Variants in KIF13A observed in about 807,000 individuals in gnomAD.
The protein encoded by KIF13A is kinesin family member 13A, also known as kinesin-like protein KIF13A.
KIF13A carries 79 observed loss-of-function variants against 212.2 expected under a neutral mutation model. That is an observed-to-expected ratio of 0.37 (90% confidence interval 0.31 to 0.45). The LOEUF is 0.45. KIF13A is among the 20% of genes least tolerant of loss of function. KIF13A has a pLI of 1.00. For synonymous variants in KIF13A, 789 were observed against 808.6 expected (o/e 0.98, Z 0.41); for missense variants, 1,901 against 2,209.0 (o/e 0.86, Z 2.79).
intron 4 of KIF13A, among the ~76,000 whole-genome samples, chr6:17,864,077 G>A (rs780285106): frequency 6.6e-6 from 1 of 152,172 alleles, no homozygotes; most frequent in Non-Finnish European, 1.5e-5. Context: ...GCCCATAAAC[G>A]AAGGTTCGTT....
At chr6:17,788,348 C>G (rs1014597454) in intron 26 of KIF13A, among the ~76,000 whole-genome samples, 5 of 152,142 alleles carry the variant, frequency 3.3e-5, no homozygotes, top group African/African-American at 1.2e-4. Flanking sequence ...AGTAGGTCAG[C>G]AGAGAACTTT....
rs1421526143 is a variant in KIF13A at position 17,850,074 on chromosome 6, G to A, written c.717+249C>T. Among the ~76,000 whole-genome samples, 4 of 152,136 alleles carry A rather than the reference G, an allele frequency of 2.6e-5. No individual in the cohort carries two copies. The highest frequency in any genetic ancestry group is 2.1e-4 in the South Asian group (1 of 4,806). On this transcript the variant is annotated intron_variant, in intron 8 of 38. Coordinates refer to ENST00000259711, the MANE Select transcript of KIF13A (RefSeq NM_022113.6). The surrounding 1 kb of genome is among the most constrained non-coding windows in gnomAD (Gnocchi z 6.2). ...ACTTCTGCCCTCAAGCAATCCTCCC[G>A]CCTCAGACTCCCAAAATGCTGGAAT...
intron 3 of KIF13A, among the ~76,000 whole-genome samples, chr6:17,896,835 G>A (rs1772612111): frequency 6.6e-6 from 1 of 152,150 alleles, no homozygotes; most frequent in East Asian, 1.9e-4. Context: ...GTATTTCACT[G>A]GTATTTTTCT....
chr6:17,804,639 T>A, intron 19 of KIF13A, 129 bp from the exon 20 acceptor site: 1 of 955,618 alleles, frequency 1.0e-6, no homozygotes. Flanking sequence ...AGTAAAATTA[T>A]AATGTCACAT....
Position 17,919,606 on chromosome 6 carries a change from G to A in KIF13A, c.147-21426C>T, listed in dbSNP as rs969770172. 2.6e-5 allele frequency among the ~76,000 whole-genome samples: 4 copies of A among 152,148 alleles called. No homozygotes were observed. The highest frequency in any genetic ancestry group is 4.8e-5 in the African/African-American group (2 of 41,416). ...GGTCAGCCATGTCTCCACTCCTAAT[G>A]CACTCAGTGGCTGCTTTACCTACCC... On this transcript the variant is annotated intron_variant, in intron 2 of 38. Coordinates refer to ENST00000259711, the MANE Select transcript of KIF13A (RefSeq NM_022113.6). The surrounding 1 kb of genome is among the most constrained non-coding windows in gnomAD (Gnocchi z 4.1).
At chr6:17,950,725 C>CA (rs1777777019) in intron 2 of KIF13A, 1 of 982,136 alleles carries the variant, frequency 1.0e-6, no homozygotes, top group Non-Finnish European at 1.2e-6. Context: ...AAATATATGA[C>CA]AAAAAATACT....
At chr6:17,778,296 T>C (rs1290023255) in intron 33 of KIF13A, among the ~76,000 whole-genome samples, 1 of 152,208 alleles carries the variant, frequency 6.6e-6, no homozygotes, top group Non-Finnish European at 1.5e-5. Context: ...GTGATGCTGT[T>C]TGTATTTTAC....
chr6:17,980,580 A>G (rs1391768265), intron 2 of KIF13A, among the ~76,000 whole-genome samples: 2 of 152,144 alleles, frequency 1.3e-5, no homozygotes, highest in African/African-American at 2.4e-5. Context: ...AGCACCTGAT[A>G]TGTTTGAAAG....
intron 2 of KIF13A, among the ~76,000 whole-genome samples, chr6:17,943,734 A>G (rs1276643007): frequency 6.6e-6 from 1 of 152,182 alleles, no homozygotes; most frequent in Non-Finnish European, 1.5e-5. Context: ...ACTAAACTCT[A>G]TAAAGCCAAA....
In KIF13A at chr6:17,883,229, C is replaced by T. The variant is rs1428127724; in HGVS notation, c.160-9792G>A. ...AGCTGCAGGGGCATGTGCCTATAGT[C>T]CCAGATACTCAGGAGGCTGAAGCAA... On this transcript the variant is annotated intron_variant, in intron 3 of 38. Transcript: ENST00000259711. This position sits in a 1 kb window ranked among gnomAD's most constrained non-coding sequence, Gnocchi z 4.8. Among the ~76,000 whole-genome samples the T allele has an allele frequency of 6.6e-6, 1 of 152,096 alleles. No homozygotes were observed. Among genetic ancestry groups the T allele is most frequent in the East Asian group, 1.9e-4 (1 of 5,192 alleles).
rs534922453 is a variant in KIF13A, at chr6:17,869,880, C to T, written c.220+3497G>A. On this transcript the variant is annotated intron_variant, in intron 4 of 38. Coordinates refer to ENST00000259711, the MANE Select transcript of KIF13A (RefSeq NM_022113.6). ...AGAGTCCTGATCAGTATCAATGATG[C>T]CATTATTCATCGAGCCTGACAAATA... Among the ~76,000 whole-genome samples the T allele has an allele frequency of 2.0e-5, 3 of 152,292 alleles. No individual in the cohort carries two copies. The South Asian group carries it at 6.2e-4, about 32-fold the overall frequency.
intron 20 of KIF13A, among the ~76,000 whole-genome samples, chr6:17,803,753 A>T (rs1194552082): frequency 6.6e-6 from 1 of 152,194 alleles, no homozygotes; most frequent in Non-Finnish European, 1.5e-5. Flanking sequence ...AGAGAGAGCG[A>T]TATGGGGCAC....
chr6:17,762,262 G>T (rs748788119), downstream of KIF13A, among the ~76,000 whole-genome samples: 11 of 151,000 alleles, frequency 7.3e-5, no homozygotes, highest in Admixed American at 2.6e-4. Flanking sequence ...GCCCAGGCTG[G>T]AGTGCAGTGG....
At chr6:17,930,921 C>A (rs778131918) in intron 2 of KIF13A, among the ~76,000 whole-genome samples, 2 of 152,172 alleles carry the variant, frequency 1.3e-5, no homozygotes, top group African/African-American at 2.4e-5. Flanking sequence ...AAAAATTGTT[C>A]TCTGTATTCT....
chr6:17,909,681 G>A (rs941508386), intron 2 of KIF13A, among the ~76,000 whole-genome samples: 1 of 151,810 alleles, frequency 6.6e-6, no homozygotes, highest in African/African-American at 2.4e-5. Context: ...GATCACTTAT[G>A]GTCAGGAGTT....
downstream of KIF13A, among the ~76,000 whole-genome samples, chr6:17,761,751 C>T (rs979715950): frequency 2.6e-5 from 4 of 152,154 alleles, no homozygotes; most frequent in African/African-American, 4.8e-5. Context: ...GTAAATTTCA[C>T]TTTAAACCAT....
rs1198576720 is a variant in KIF13A at position 17,777,725 on chromosome 6, T to G, written c.4093-371A>C. On this transcript the variant is annotated intron_variant, in intron 33 of 38. Coordinates refer to ENST00000259711, the MANE Select transcript of KIF13A (RefSeq NM_022113.6). The surrounding 1 kb of genome is among the most constrained non-coding windows in gnomAD (Gnocchi z 4.4). The stretch of plus-strand genomic sequence containing the variant: ...TTCTAATTATAAAAGTAACATATGT[T>G]TATTTATAGATTTAAATATAGACTG... 1.3e-5 allele frequency among the ~76,000 whole-genome samples: 2 copies of G among 152,194 alleles called. No homozygotes were observed. Among genetic ancestry groups the G allele is most frequent in the Admixed American group, 6.6e-5 (1 of 15,258 alleles).
chr6:17,848,407 G>A (rs1767280143), intron 9 of KIF13A, among the ~76,000 whole-genome samples: 1 of 151,738 alleles, frequency 6.6e-6, no homozygotes, highest in Non-Finnish European at 1.5e-5. Context: ...ATTCCCCCTG[G>A]CCTCCCCTTT....
Position 17,982,877 on chromosome 6 carries a change from G to A in KIF13A, c.146+4177C>T, listed in dbSNP as rs1038695170. 6.6e-6 allele frequency among the ~76,000 whole-genome samples: 1 copy of A among 152,096 alleles called. No homozygotes were observed. Among genetic ancestry groups the A allele is most frequent in the African/African-American group, 2.4e-5 (1 of 41,426 alleles). ...AAGTCTTAATATGCTGATATTGAAA[G>A]ATACCAAAGGGGGCCAGGCGTGGTG... On this transcript the variant is annotated intron_variant, in intron 2 of 38. Transcript: ENST00000259711. The surrounding 1 kb of genome is among the most constrained non-coding windows in gnomAD (Gnocchi z 5.1).
Sources: gnomAD v4.1 joint callset for allele counts (sites outside exome capture counted in the v4.1 genomes callset) on GRCh38, gnomAD v4.1.1 for gene constraint, Gnocchi (gnomAD v3.1) non-coding constraint, MANE v1.5 for transcripts, NCBI Gene and HGNC (gene_info 2026-07-23, HGNC 2026-07-21) for gene names.